Variants in KANK1 observed in about 807,000 individuals in gnomAD.
KANK1 encodes the protein KN motif and ankyrin repeat domain-containing protein 1.
KANK1 carries 109 observed loss-of-function variants against 106.2 expected under a neutral mutation model. That is an observed-to-expected ratio of 1.03 (90% confidence interval 0.88 to 1.20). The LOEUF (loss-of-function observed/expected upper bound fraction) is 1.20, where lower values mean the gene tolerates loss of function less well. Ranked by LOEUF, KANK1 falls within the 50% of genes most tolerant of loss-of-function variation. The pLI is 0.00. For missense variants in KANK1, 2,399 were observed against 1,710.7 expected, an observed-to-expected ratio of 1.40 and a Z score of -7.10; for synonymous variants, 873 against 652.2, an observed-to-expected ratio of 1.34 and a Z score of -5.16.
At chr9:581,890 G>A (rs1355197184) in intron 1 of KANK1, among the ~76,000 whole-genome samples, 1 of 152,166 alleles carries the variant, frequency 6.6e-6, no homozygotes, top group Non-Finnish European at 1.5e-5. Context: ...CAGCCAGAGT[G>A]CAGGTATGGC....
chr9:693,010 AC>A (rs1330544902), intron 2 of KANK1, among the ~76,000 whole-genome samples: 1 of 151,852 alleles, frequency 6.6e-6, no homozygotes, highest in Non-Finnish European at 1.5e-5. Flanking sequence ...TCAAAAAAGA[AC>A]TTTTTTTTTT....
At chr9:673,234 G>T (rs1048010116) in intron 1 of KANK1, among the ~76,000 whole-genome samples, 3 of 127,600 alleles carry the variant, frequency 2.4e-5, no homozygotes, top group African/African-American at 8.9e-5. Context: ...TTTGAGACAG[G>T]GTCTCTCACT....
At chr9:714,708 G>C (rs1304725726) in intron 3 of KANK1, among the ~76,000 whole-genome samples, 1 of 152,086 alleles carries the variant, frequency 6.6e-6, no homozygotes, top group Admixed American at 6.6e-5. Flanking sequence ...TATTCATTGG[G>C]ATTCCTGCTC....
intron 2 of KANK1, among the ~76,000 whole-genome samples, chr9:694,649 A>G (rs1326832869): frequency 6.6e-6 from 1 of 152,188 alleles, no homozygotes; most frequent in African/African-American, 2.4e-5. Flanking sequence ...CCTCCCTAGC[A>G]CAATGTGCCC....
At chr9:534,783 C>T (rs890709798) in intron 1 of KANK1, among the ~76,000 whole-genome samples, 1 of 152,212 alleles carries the variant, frequency 6.6e-6, no homozygotes, top group Non-Finnish European at 1.5e-5. Flanking sequence ...AAAGCACCAA[C>T]ACTAAAACAT....
At chr9:670,711 G>A (rs895456609) in intron 1 of KANK1, among the ~76,000 whole-genome samples, 10 of 152,090 alleles carry the variant, frequency 6.6e-5, no homozygotes, top group Admixed American at 5.9e-4. Context: ...CTTTGTGTCC[G>A]GCTGTCCACA....
At chr9:719,978 A>T (rs1240867617) in intron 3 of KANK1, among the ~76,000 whole-genome samples, 3 of 152,210 alleles carry the variant, frequency 2.0e-5, no homozygotes, top group African/African-American at 7.2e-5. Flanking sequence ...CTTGTTTTTC[A>T]TTATAGTCAT....
In KANK1 at chr9:630,507, C is replaced by CAT. The variant is rs1835432578; in HGVS notation, c.-83-46383_-83-46382insAT. On this transcript the variant is annotated intron_variant, in intron 1 of 11. Transcript: ENST00000382297. ...CGGAGCTTGCAGTGAGCTGAGATCC[C>CAT]GCCACTGCACTGCAGCCTGGGCGAC... Among the ~76,000 whole-genome samples, 3 of 151,848 alleles carry CAT rather than the reference C, an allele frequency of 2.0e-5. No homozygotes were observed. The South Asian group carries it at 6.2e-4, about 32-fold the overall frequency.
intron 2 of KANK1, among the ~76,000 whole-genome samples, 186 bp downstream of exon 2, chr9:677,195 A>G (rs1416903232): frequency 1.3e-5 from 2 of 152,230 alleles, no homozygotes; most frequent in African/African-American, 4.8e-5. Flanking sequence ...TTTATCTTAG[A>G]GTCTTGCACT....
At chr9:738,812 C>G (rs1244497854) in intron 8 of KANK1, among the ~76,000 whole-genome samples, 2 of 152,212 alleles carry the variant, frequency 1.3e-5, no homozygotes, top group Non-Finnish European at 2.9e-5. Context: ...ACGTTCCCTC[C>G]TGAGCTGAAT....
At chr9:595,165 G>T (rs1320922931) in intron 1 of KANK1, among the ~76,000 whole-genome samples, 1 of 151,674 alleles carries the variant, frequency 6.6e-6, no homozygotes, top group Admixed American at 6.6e-5. Context: ...TGTAGTCCCA[G>T]CTACTCAGGA....
chr9:714,853 AC>A (rs1481068871), intron 3 of KANK1, among the ~76,000 whole-genome samples: 11 of 152,140 alleles, frequency 7.2e-5, no homozygotes, highest in Non-Finnish European at 1.6e-4. Context: ...ACAGTGTATA[AC>A]ATCATCCTCA....
intron 8 of KANK1, among the ~76,000 whole-genome samples, chr9:739,548 C>A (rs893394880): frequency 2.0e-5 from 3 of 152,186 alleles, no homozygotes; most frequent in African/African-American, 7.2e-5. Context: ...TCAAGCCCCT[C>A]CTCTTCAGGC....
intron 1 of KANK1, among the ~76,000 whole-genome samples, chr9:669,527 T>G (rs1240198832): frequency 2.6e-5 from 4 of 152,176 alleles, no homozygotes; most frequent in Non-Finnish European, 5.9e-5. Flanking sequence ...GGTTTTTTCT[T>G]TCAGCACTTT....
chr9:634,326 T>C (rs1161721115), intron 1 of KANK1, among the ~76,000 whole-genome samples: 1 of 152,158 alleles, frequency 6.6e-6, no homozygotes, highest in Non-Finnish European at 1.5e-5. Flanking sequence ...TCACCTGCAC[T>C]GAGTCCATCT....
At chr9:625,637 G>T (rs536879785) in intron 1 of KANK1, among the ~76,000 whole-genome samples, 2 of 152,196 alleles carry the variant, frequency 1.3e-5, no homozygotes, top group Non-Finnish European at 2.9e-5. Context: ...TTTTAGACAG[G>T]TTTCTGGTTT....
chr9:493,837 G>A (rs1246527582), intron 3 of KANK1, among the ~76,000 whole-genome samples: 1 of 151,592 alleles, frequency 6.6e-6, no homozygotes, highest in Non-Finnish European at 1.5e-5. Flanking sequence ...ATGAGCCACC[G>A]CGCCTGGCCG....
intron 2 of KANK1, among the ~76,000 whole-genome samples, chr9:692,361 C>A (rs1337361870): frequency 6.6e-6 from 1 of 151,904 alleles, no homozygotes; most frequent in South Asian, 2.1e-4. Flanking sequence ...TGGTTTATAC[C>A]AAATAAACCA....
At chr9:667,251 A>C (rs1844846468) in intron 1 of KANK1, among the ~76,000 whole-genome samples, 1 of 148,372 alleles carries the variant, frequency 6.7e-6, no homozygotes, top group African/African-American at 2.5e-5. Flanking sequence ...GATTCTTTGT[A>C]CTCCTATGGT....
Sources: allele counts gnomAD v4.1 joint callset (sites outside exome capture counted in the v4.1 genomes callset), GRCh38; gene constraint gnomAD v4.1.1; transcripts MANE v1.5; gene names NCBI Gene and HGNC (gene_info 2026-07-23, HGNC 2026-07-21).